ZFYVE28: variants seen among roughly 807,000 people sequenced by gnomAD.
The protein encoded by ZFYVE28 is lateral signaling target protein 2 homolog.
ZFYVE28 carries 40 observed loss-of-function variants against 82.1 expected under a neutral mutation model. The ratio of observed to expected loss-of-function variants is 0.49; its 90% CI spans 0.38 to 0.63. ZFYVE28 has a LOEUF of 0.63. Ranked by LOEUF, ZFYVE28 falls within the 30% of genes least tolerant of loss-of-function variation. The pLI is 0.00. For missense variants in ZFYVE28, 1,321 were observed against 1,242.1 expected, an observed-to-expected ratio of 1.06 and a Z score of -0.96; for synonymous variants, 612 against 546.1, an observed-to-expected ratio of 1.12 and a Z score of -1.68.
Position 2,388,756 on chromosome 4 carries a change from AAACT to A in ZFYVE28, c.39+29525_39+29528del, listed in dbSNP as rs138109126. Among the ~76,000 whole-genome samples, 386 of 152,236 alleles carry A rather than the reference AAACT, an allele frequency of 2.5e-3. 8 individuals carry two copies. The East Asian group carries it at 0.06, about 24-fold the overall frequency. ...GGTCTAACAGGATCCCTCCCCTACC[AAACT>A]GAGAAAGCTGCACAAGACTGAGGCA... On this transcript the variant is annotated intron_variant, in intron 1 of 12. Transcript: ENST00000290974.
At chr4:2,303,095 G>A (rs1486635708) in intron 8 of ZFYVE28, among the ~76,000 whole-genome samples, 2 of 152,176 alleles carry the variant, frequency 1.3e-5, no homozygotes, top group African/African-American at 2.4e-5. Context: ...TGGGGAGTGG[G>A]GAGGGACACC....
At chr4:2,330,988 C>A in intron 6 of ZFYVE28, 2 of 1,534,630 alleles carry the variant, frequency 1.3e-6, no homozygotes, top group Non-Finnish European at 1.7e-6. Context: ...CGGCAACCAT[C>A]CTGCAGGCCA....
At chr4:2,356,241 G>C (rs1725295053) in intron 1 of ZFYVE28, among the ~76,000 whole-genome samples, 1 of 152,202 alleles carries the variant, frequency 6.6e-6, no homozygotes, top group Non-Finnish European at 1.5e-5. Flanking sequence ...ATGCACCTGA[G>C]ACCTGGGCAG....
intron 8 of ZFYVE28, among the ~76,000 whole-genome samples, chr4:2,278,529 C>T (rs773187948): frequency 2.6e-5 from 4 of 151,934 alleles, no homozygotes; most frequent in African/African-American, 7.3e-5. Flanking sequence ...ATCTTTGTGG[C>T]GTTAGGCTAG....
intron 1 of ZFYVE28, among the ~76,000 whole-genome samples, chr4:2,402,462 T>G (rs1042167921): frequency 6.6e-6 from 1 of 152,186 alleles, no homozygotes; most frequent in African/African-American, 2.4e-5. Flanking sequence ...AGAGCTGTAT[T>G]AAGCAGAGCA....
At chr4:2,393,612 T>C (rs981335139) in intron 1 of ZFYVE28, among the ~76,000 whole-genome samples, 4 of 152,226 alleles carry the variant, frequency 2.6e-5, no homozygotes, top group African/African-American at 9.7e-5. Flanking sequence ...AGTGTATTTT[T>C]GGTTGTTTTT....
intron 8 of ZFYVE28, among the ~76,000 whole-genome samples, chr4:2,275,837 C>G (rs1028558208): frequency 3.3e-5 from 5 of 152,268 alleles, no homozygotes; most frequent in African/African-American, 1.2e-4. Flanking sequence ...TGCAGAGATG[C>G]AGGGTCTTAG....
intron 7 of ZFYVE28, among the ~76,000 whole-genome samples, chr4:2,313,405 T>C (rs570881294): frequency 6.6e-6 from 1 of 152,176 alleles, no homozygotes; most frequent in African/African-American, 2.4e-5. Flanking sequence ...GGACCACAGA[T>C]ATGTGCCACC....
chr4:2,359,760 C>T (rs1362454791), intron 1 of ZFYVE28, among the ~76,000 whole-genome samples: 1 of 152,224 alleles, frequency 6.6e-6, no homozygotes, highest in Non-Finnish European at 1.5e-5. Context: ...GGGGAGCCAA[C>T]CCTTGGCCAG....
chr4:2,340,486 C>A (rs1722613851), intron 3 of ZFYVE28, among the ~76,000 whole-genome samples: 1 of 152,220 alleles, frequency 6.6e-6, no homozygotes, highest in Non-Finnish European at 1.5e-5. Context: ...CAGGGATGAT[C>A]AAGTGATGCA....
At chr4:2,400,127 G>A (rs200687658) in intron 1 of ZFYVE28, among the ~76,000 whole-genome samples, 3 of 152,234 alleles carry the variant, frequency 2.0e-5, no homozygotes, top group East Asian at 1.9e-4. Context: ...CAGTGGCATC[G>A]AGAGCCTGCA....
chr4:2,276,736 G>A (rs1414014844), intron 8 of ZFYVE28, among the ~76,000 whole-genome samples: 1 of 152,006 alleles, frequency 6.6e-6, no homozygotes, highest in Non-Finnish European at 1.5e-5. Context: ...TTGAGTCTCC[G>A]ACACGAGGTC....
intron 1 of ZFYVE28, among the ~76,000 whole-genome samples, chr4:2,401,917 G>C (rs1731227564): frequency 6.6e-6 from 1 of 152,178 alleles, no homozygotes; most frequent in Non-Finnish European, 1.5e-5. Flanking sequence ...AGTTCACTTG[G>C]CCCTCCCAGC....
intron 6 of ZFYVE28, among the ~76,000 whole-genome samples, chr4:2,322,316 T>C (rs551337806): frequency 6.6e-6 from 1 of 152,356 alleles, no homozygotes; most frequent in South Asian, 2.1e-4. Flanking sequence ...GGCCTGGGAA[T>C]GAGCTATTGC....
At chr4:2,368,349 C>G (rs1036700020) in intron 1 of ZFYVE28, among the ~76,000 whole-genome samples, 6 of 152,116 alleles carry the variant, frequency 3.9e-5, no homozygotes, top group Non-Finnish European at 7.4e-5. Context: ...TTAGAGTGAG[C>G]TGAGATCATA....
At chr4:2,322,665 T>A (rs575180791) in intron 6 of ZFYVE28, among the ~76,000 whole-genome samples, 2 of 152,294 alleles carry the variant, frequency 1.3e-5, no homozygotes, top group Admixed American at 1.3e-4. Context: ...TTTTCTGCAT[T>A]CACGGTGCTG....
intron 1 of ZFYVE28, among the ~76,000 whole-genome samples, chr4:2,377,228 A>G (rs895144568): frequency 2.6e-5 from 4 of 152,076 alleles, no homozygotes; most frequent in Admixed American, 6.5e-5. Context: ...TTGCCGTGTT[A>G]GCCAGGATGG....
chr4:2,382,259 G>A (rs1282559066), intron 1 of ZFYVE28, among the ~76,000 whole-genome samples: 20 of 152,244 alleles, frequency 1.3e-4, no homozygotes, highest in African/African-American at 4.8e-4. Flanking sequence ...ACCACCTAGT[G>A]GAGCTGTGAG....
At position 2,379,487 on chromosome 4, in the gene ZFYVE28, CA is replaced by C. The variant is rs1283275962; in HGVS notation, c.40-25415del. ...AGAATGTAGAGGCTCAGATTGTCAG[CA>C]CATTATAATCATTGACATTTAGCAA... On this transcript the variant is annotated intron_variant, in intron 1 of 12. Coordinates refer to ENST00000290974, the MANE Select transcript of ZFYVE28 (RefSeq NM_020972.3). Among the ~76,000 whole-genome samples, 3 of 152,176 alleles carry C rather than the reference CA, an allele frequency of 2.0e-5. No individual in the cohort carries two copies. The East Asian group carries it at 5.8e-4, about 29-fold the overall frequency.
Sources: gnomAD v4.1 joint callset for allele counts (sites outside exome capture counted in the v4.1 genomes callset) on GRCh38, gnomAD v4.1.1 for gene constraint, MANE v1.5 for transcripts, NCBI Gene and HGNC (gene_info 2026-07-23, HGNC 2026-07-21) for gene names.